SDC2: variants seen among roughly 807,000 people sequenced by gnomAD.
SDC2 encodes the protein syndecan 2.
A neutral mutation model predicts 22.2 loss-of-function variants in SDC2; 13 were observed. The ratio of observed to expected loss-of-function variants is 0.59; its 90% CI spans 0.38 to 0.93. The LOEUF is 0.93. Ranked by LOEUF, SDC2 falls within the 40% of genes least tolerant of loss-of-function variation. The pLI, the probability that SDC2 is intolerant of heterozygous loss-of-function variation, is 0.00. For synonymous variants in SDC2, 94 were observed against 92.8 expected, an observed-to-expected ratio of 1.01 and a Z score of -0.07; for missense variants, 235 against 246.8, an observed-to-expected ratio of 0.95 and a Z score of 0.32.
At chr8:96,501,162 C>T (rs999494070) in intron 1 of SDC2, among the ~76,000 whole-genome samples, 4 of 151,370 alleles carry the variant, frequency 2.6e-5, no homozygotes, top group African/African-American at 9.7e-5. Context: ...ATATTAAATA[C>T]AAGTAACCGT....
At chr8:96,554,661 G>C (rs1459451365) in intron 1 of SDC2, among the ~76,000 whole-genome samples, 1 of 152,192 alleles carries the variant, frequency 6.6e-6, no homozygotes, top group Non-Finnish European at 1.5e-5. Context: ...GGGCACCCAG[G>C]GGTGGTTGAA....
At chr8:96,510,358 A>G (rs181626931) in intron 1 of SDC2, among the ~76,000 whole-genome samples, 1 of 152,164 alleles carries the variant, frequency 6.6e-6, no homozygotes, top group Non-Finnish European at 1.5e-5. Flanking sequence ...AGGAAGAGAG[A>G]GTGCTTTAGG....
At chr8:96,559,176 G>A (rs769086155) in intron 1 of SDC2, among the ~76,000 whole-genome samples, 9 of 152,174 alleles carry the variant, frequency 5.9e-5, no homozygotes, top group Non-Finnish European at 1.0e-4. Context: ...AAGGGCCGAT[G>A]GTGGCTGTGT....
chr8:96,551,925 T>G (rs1052302276), intron 1 of SDC2, among the ~76,000 whole-genome samples: 5 of 152,206 alleles, frequency 3.3e-5, no homozygotes, highest in Non-Finnish European at 5.9e-5. Flanking sequence ...AGGATGAGCC[T>G]GTTTACTGCT....
chr8:96,552,203 T>C (rs751801041), intron 1 of SDC2, among the ~76,000 whole-genome samples: 3 of 152,216 alleles, frequency 2.0e-5, no homozygotes, highest in Non-Finnish European at 4.4e-5. Context: ...AAATGAGGAA[T>C]GAAATACAGA....
intron 1 of SDC2, among the ~76,000 whole-genome samples, chr8:96,576,009 C>T (rs1814482534): frequency 6.6e-6 from 1 of 152,114 alleles, no homozygotes; most frequent in Non-Finnish European, 1.5e-5. Flanking sequence ...CCTTTAGGGC[C>T]CTAGCTTATC....
chr8:96,552,341 A>G (rs1391892008), intron 1 of SDC2, among the ~76,000 whole-genome samples: 1 of 152,216 alleles, frequency 6.6e-6, no homozygotes, highest in Non-Finnish European at 1.5e-5. Flanking sequence ...TTCTTGAATT[A>G]TATCCCATGT....
At chr8:96,518,435 A>G (rs973702095) in intron 1 of SDC2, among the ~76,000 whole-genome samples, 4 of 142,726 alleles carry the variant, frequency 2.8e-5, no homozygotes, top group Non-Finnish European at 6.0e-5. Flanking sequence ...ATCTCGGCCC[A>G]CTGCAAGCTC....
At position 96,544,541 on chromosome 8, in the gene SDC2, A is replaced by T. The variant is rs181200998; in HGVS notation, c.61-48939A>T. Among the ~76,000 whole-genome samples, 151 of 152,222 alleles carry T rather than the reference A, an allele frequency of 9.9e-4. 1 individual carries two copies. The highest frequency in any genetic ancestry group is 8.5e-4 in the Admixed American group (13 of 15,304). On this transcript the variant is annotated intron_variant, in intron 1 of 4. Transcript: ENST00000302190. Reference sequence around the variant, plus strand: ...GCTCTTTTCTCTCTTGAGTTCCTGTAGTGCCTTGAATTTCTCTTCTGGCCC... The same window carrying T: ...GCTCTTTTCTCTCTTGAGTTCCTGTTGTGCCTTGAATTTCTCTTCTGGCCC...
chr8:96,597,199 T>C (rs924189366), intron 2 of SDC2, among the ~76,000 whole-genome samples: 1 of 152,172 alleles, frequency 6.6e-6, no homozygotes, highest in Non-Finnish European at 1.5e-5. Context: ...TTTAATATGG[T>C]GTGATCCCAA....
intron 1 of SDC2, among the ~76,000 whole-genome samples, chr8:96,528,843 C>T (rs558874803): frequency 6.6e-6 from 1 of 152,292 alleles, no homozygotes; most frequent in African/African-American, 2.4e-5. Flanking sequence ...CATAATGAGG[C>T]ATCTTATGTA....
chr8:96,537,294 T>C (rs1248160376), intron 1 of SDC2: 4 of 152,204 alleles, frequency 2.6e-5, no homozygotes, highest in Admixed American at 2.6e-4. Flanking sequence ...TTTTTTCTTT[T>C]TTTAGATAAG....
At chr8:96,567,475 A>C (rs1328628313) in intron 1 of SDC2, among the ~76,000 whole-genome samples, 1 of 152,168 alleles carries the variant, frequency 6.6e-6, no homozygotes, top group Admixed American at 6.5e-5. Flanking sequence ...CATTGTACCC[A>C]ATAGGTAGTT....
chr8:96,509,840 C>G (rs1444832944), intron 1 of SDC2, among the ~76,000 whole-genome samples: 2 of 152,238 alleles, frequency 1.3e-5, no homozygotes, highest in Admixed American at 6.5e-5. Context: ...CTGCCTGTCA[C>G]AGTCTAAGCA....
chr8:96,599,472 G>A (rs1485108217), intron 2 of SDC2, among the ~76,000 whole-genome samples: 3 of 152,132 alleles, frequency 2.0e-5, no homozygotes, highest in Non-Finnish European at 4.4e-5. Context: ...TATGTAAAAT[G>A]TTGATAGATA....
intron 1 of SDC2, among the ~76,000 whole-genome samples, chr8:96,569,760 A>T (rs1814359776): frequency 6.6e-6 from 1 of 152,190 alleles, no homozygotes; most frequent in Non-Finnish European, 1.5e-5. Context: ...AACCTGAGGC[A>T]TGGGAAGTTG....
At position 96,515,266 on chromosome 8, in the gene SDC2, A is replaced by G. The variant is rs568507983; in HGVS notation, c.60+20935A>G. ...AATGAAGTTTTTAAAATTCCAGTCC[A>G]GACTTTAACACTGTGTTCTATTCTC... On this transcript the variant is annotated intron_variant, in intron 1 of 4. Transcript: ENST00000302190. Among the ~76,000 whole-genome samples the G allele has an allele frequency of 3.1e-3, 469 of 152,312 alleles. 2 individuals carry two copies. Among genetic ancestry groups the G allele is most frequent in the Non-Finnish European group, 3.9e-3 (262 of 68,022 alleles).
At chr8:96,546,324 T>G (rs1292919819) in intron 1 of SDC2, among the ~76,000 whole-genome samples, 2 of 152,184 alleles carry the variant, frequency 1.3e-5, no homozygotes, top group Non-Finnish European at 2.9e-5. Flanking sequence ...CCTAGAGTCT[T>G]GACCATATTC....
intron 1 of SDC2, among the ~76,000 whole-genome samples, chr8:96,580,922 G>A (rs1465011097): frequency 6.6e-6 from 1 of 152,090 alleles, no homozygotes; most frequent in Non-Finnish European, 1.5e-5. Context: ...GCACCCCTGG[G>A]TGCCAAATCC....
Sources: allele counts gnomAD v4.1 joint callset (sites outside exome capture counted in the v4.1 genomes callset), GRCh38; gene constraint gnomAD v4.1.1; transcripts MANE v1.5; gene names NCBI Gene and HGNC (gene_info 2026-07-23, HGNC 2026-07-21).